The following SV2C variants were observed in gnomAD, a reference collection of about 807,000 sequenced individuals.
The protein encoded by SV2C is synaptic vesicle glycoprotein 2C.
In SV2C, 49 loss-of-function variants were observed where a neutral mutation model predicts 79.7. That is an observed-to-expected ratio of 0.61 (90% CI 0.49 to 0.78). SV2C has a LOEUF of 0.78. Ranked by LOEUF, SV2C falls within the 30% of genes least tolerant of loss-of-function variation. The pLI, the probability that SV2C is intolerant of heterozygous loss-of-function variation, is 0.00. For synonymous variants in SV2C, 334 were observed against 333.2 expected (o/e 1.00, Z -0.03); for missense variants, 833 against 912.9 (o/e 0.91, Z 1.13).
At chr5:76,070,121 C>T in the SV2C span, among the ~76,000 whole-genome samples, 1 of 152,112 alleles carries the variant, frequency 6.6e-6, no homozygotes, top group Non-Finnish European at 1.5e-5. Context: ...AGGGCCCCAG[C>T]CCACACCCAG....
chr5:76,099,448 G>A (rs964401374), intron 1 of SV2C, among the ~76,000 whole-genome samples: 4 of 151,732 alleles, frequency 2.6e-5, no homozygotes, highest in Admixed American at 2.0e-4. Context: ...TCTTCACTCA[G>A]GAAATGATGA....
chr5:75,878,918 C>T, the SV2C span, among the ~76,000 whole-genome samples: 1 of 152,192 alleles, frequency 6.6e-6, no homozygotes, highest in Admixed American at 6.5e-5. Context: ...GCATCTGCTT[C>T]TGGTGAGGAC....
the SV2C span, among the ~76,000 whole-genome samples, chr5:75,970,351 T>C: frequency 5.9e-5 from 9 of 151,734 alleles, no homozygotes; most frequent in Non-Finnish European, 1.2e-4. Context: ...AATAGAGACA[T>C]AAAAAACCCT....
At chr5:76,123,963 A>G (rs1239187662) in intron 1 of SV2C, among the ~76,000 whole-genome samples, 1 of 152,228 alleles carries the variant, frequency 6.6e-6, no homozygotes, top group African/African-American at 2.4e-5. Flanking sequence ...ATGCATCTGC[A>G]TAGTCTAAAT....
chr5:76,176,898 A>G (rs914044860), intron 2 of SV2C, among the ~76,000 whole-genome samples: 4 of 152,094 alleles, frequency 2.6e-5, no homozygotes, highest in African/African-American at 9.7e-5. Flanking sequence ...GATGGATCAC[A>G]AGGTCAGGAG....
chr5:76,095,010 A>C (rs1324825972), intron 1 of SV2C, among the ~76,000 whole-genome samples: 1 of 151,928 alleles, frequency 6.6e-6, no homozygotes, highest in Non-Finnish European at 1.5e-5. Context: ...GGTATCTAAA[A>C]ATCTCACCAA....
Position 76,188,152 on chromosome 5 carries a change from T to C in SV2C, c.581-6767T>C, listed in dbSNP as rs1456204198. On this transcript the variant is annotated intron_variant, in intron 2 of 12. Coordinates refer to ENST00000502798, the MANE Select transcript of SV2C (RefSeq NM_014979.4). ...GGCACGCACCTGTAGTCCCAACTAT[T>C]TGGGAGGCTGAGGTAGAAGGATCAC... Among the ~76,000 whole-genome samples the C allele has an allele frequency of 1.3e-5, 2 of 152,028 alleles. 1 individual carries two copies. Among genetic ancestry groups the C allele is most frequent in the Admixed American group, 1.3e-4 (2 of 15,262 alleles).
At chr5:75,887,074 T>C in the SV2C span, among the ~76,000 whole-genome samples, 1 of 152,150 alleles carries the variant, frequency 6.6e-6, no homozygotes. Context: ...TTAGCATTTA[T>C]TTCTTAATTG....
rs550846819 is a variant in SV2C at position 76,278,217 on chromosome 5, A to G, written c.914-6945A>G. Among the ~76,000 whole-genome samples, 28 of 151,814 alleles carry G rather than the reference A, an allele frequency of 1.8e-4. No individual in the cohort carries two copies. The South Asian group carries it at 5.2e-3, about 28-fold the overall frequency. ...AACAAACATTAAAAGAACACTTCCT[A>G]TGGACTAGCACTTGCTTAGGAGGTC... On this transcript the variant is annotated intron_variant, in intron 4 of 12. Coordinates refer to ENST00000502798, the MANE Select transcript of SV2C (RefSeq NM_014979.4).
chr5:75,973,588 A>G, the SV2C span, among the ~76,000 whole-genome samples: 4 of 152,002 alleles, frequency 2.6e-5, no homozygotes, highest in Non-Finnish European at 5.9e-5. Context: ...ACGAGGGGAG[A>G]TTGATACATG....
intron 1 of SV2C, among the ~76,000 whole-genome samples, chr5:76,129,517 C>T (rs1035517267): frequency 3.9e-5 from 6 of 152,158 alleles, no homozygotes; most frequent in Non-Finnish European, 8.8e-5. Flanking sequence ...TTTCTCATTG[C>T]TCAAGTGCTT....
the SV2C span, chr5:76,076,022 T>C: frequency 6.4e-6 from 1 of 155,272 alleles, no homozygotes; most frequent in Admixed American, 6.5e-5. Flanking sequence ...CTTTAAACTC[T>C]AAACACACTG....
chr5:76,189,822 T>C (rs189531496), intron 2 of SV2C, among the ~76,000 whole-genome samples: 3 of 152,368 alleles, frequency 2.0e-5, no homozygotes, highest in Non-Finnish European at 4.4e-5. Context: ...CTCAGTCTTT[T>C]TTTTTGTATT....
intron 1 of SV2C, among the ~76,000 whole-genome samples, chr5:76,124,657 A>C (rs1482203829): frequency 2.0e-5 from 3 of 152,172 alleles, no homozygotes; most frequent in South Asian, 4.1e-4. Flanking sequence ...TTATATGGTA[A>C]TTCTATTTTT....
At chr5:76,338,162 G>A (rs965968484), downstream of SV2C, among the ~76,000 whole-genome samples, 1 of 152,240 alleles carries the variant, frequency 6.6e-6, no homozygotes, top group African/African-American at 2.4e-5. Flanking sequence ...TTGAAGGAAA[G>A]CCAGGCTCCT....
At chr5:76,014,654 A>G in the SV2C span, among the ~76,000 whole-genome samples, 2 of 152,132 alleles carry the variant, frequency 1.3e-5, no homozygotes, top group Non-Finnish European at 2.9e-5. Flanking sequence ...ACACACACAC[A>G]TGTGCGCACA....
At chr5:75,955,804 A>G in the SV2C span, among the ~76,000 whole-genome samples, 2 of 150,726 alleles carry the variant, frequency 1.3e-5, no homozygotes, top group African/African-American at 4.8e-5. Flanking sequence ...AATGCTCACC[A>G]TCACTGGCCA....
chr5:75,994,400 T>C, the SV2C span, among the ~76,000 whole-genome samples: 1 of 152,058 alleles, frequency 6.6e-6, no homozygotes, highest in Non-Finnish European at 1.5e-5. Flanking sequence ...TTACTGAATG[T>C]ATGTCTTTGC....
chr5:76,301,126 G>A (rs1373799120), intron 11 of SV2C, among the ~76,000 whole-genome samples, 194 bp downstream of exon 11: 1 of 152,202 alleles, frequency 6.6e-6, no homozygotes, highest in East Asian at 1.9e-4. Flanking sequence ...TGAGTTAACA[G>A]ACTGAAAAAC....
Sources: allele counts gnomAD v4.1 joint callset (sites outside exome capture counted in the v4.1 genomes callset), GRCh38; gene constraint gnomAD v4.1.1; transcripts MANE v1.5; gene names NCBI Gene and HGNC (gene_info 2026-07-23, HGNC 2026-07-21).